The following FMN2 variants were observed in gnomAD, a reference collection of about 807,000 sequenced individuals.
FMN2 encodes the protein formin 2, also known as formin-2.
A neutral mutation model predicts 142.3 loss-of-function variants in FMN2; 51 were observed. The ratio of observed to expected loss-of-function variants is 0.36; its 90% CI spans 0.29 to 0.45. The LOEUF is 0.45. FMN2 is among the 20% of genes least tolerant of loss of function. FMN2 has a pLI of 1.00. For synonymous variants in FMN2, 882 were observed against 869.8 expected, an observed-to-expected ratio of 1.01 and a Z score of -0.25; for missense variants, 1,936 against 2,122.8, an observed-to-expected ratio of 0.91 and a Z score of 1.73.
intron 6 of FMN2, among the ~76,000 whole-genome samples, chr1:240,250,776 T>G (rs1446990640): frequency 6.6e-6 from 1 of 152,180 alleles, no homozygotes; most frequent in Non-Finnish European, 1.5e-5. Context: ...TCATTGTTAG[T>G]CTGTTCAGGT....
intron 14 of FMN2, among the ~76,000 whole-genome samples, chr1:240,369,818 G>C (rs551943056): frequency 7.2e-5 from 11 of 152,202 alleles, no homozygotes; most frequent in African/African-American, 2.6e-4. Context: ...TCATCAGGAG[G>C]CACTACCAAC....
chr1:240,187,087 A>T (rs1471505058), intron 3 of FMN2, among the ~76,000 whole-genome samples: 18 of 148,588 alleles, frequency 1.2e-4, no homozygotes, highest in Admixed American at 9.4e-4. Flanking sequence ...CAACATGGTG[A>T]AACCCCGTCT....
intron 16 of FMN2, among the ~76,000 whole-genome samples, chr1:240,445,604 G>T (rs955345471): frequency 6.6e-6 from 1 of 151,920 alleles, no homozygotes. Flanking sequence ...GCCATGCAAT[G>T]AATTTGATAA....
intron 15 of FMN2, among the ~76,000 whole-genome samples, chr1:240,416,452 TAG>T (rs1674579529): frequency 6.6e-6 from 1 of 152,082 alleles, no homozygotes; most frequent in Non-Finnish European, 1.5e-5. Context: ...ATATTTTTAG[TAG>T]AGACGGGGTT....
At chr1:240,144,791 T>C (rs1215238810) in intron 2 of FMN2, 3 of 1,422,136 alleles carry the variant, frequency 2.1e-6, no homozygotes, top group Admixed American at 3.4e-5. Context: ...GTGGACCATG[T>C]TGTAGGGGAC....
At chr1:240,225,595 A>G (rs954875572) in intron 6 of FMN2, among the ~76,000 whole-genome samples, 6 of 152,234 alleles carry the variant, frequency 3.9e-5, no homozygotes, top group African/African-American at 1.4e-4. Context: ...GGAAAAATCA[A>G]TATCTGGAAT....
chr1:240,302,433 C>T (rs1572172336), intron 8 of FMN2, among the ~76,000 whole-genome samples: 1 of 151,538 alleles, frequency 6.6e-6, no homozygotes, highest in Admixed American at 6.6e-5. Context: ...GATAACAAGG[C>T]AACTCAAAAA....
rs1363626866 is a variant in FMN2, at chr1:240,207,437, G to A, written c.2625G>A (p.Met875Ile). 1.2e-6 allele frequency: 2 copies of A among 1,613,554 alleles called. No homozygotes were observed. Among genetic ancestry groups the A allele is most frequent in the East Asian group, 4.5e-5 (2 of 44,842 alleles). Residue 875 changes from methionine to isoleucine, a missense_variant, in exon 5 of 18, where the codon ATG becomes ATA. Met to Ile is a conservative substitution (Grantham distance 10, BLOSUM62 1). This residue lies in a region of FMN2 where 478 missense variants were observed against 462.8 expected (regional missense o/e 1.03). Coordinates refer to ENST00000319653, the MANE Select transcript of FMN2 (RefSeq NM_020066.5). ...CCAGCTCCATGCCTGGCCTGGGCAT[G>A]GTGCCTCCCCCACCTCCCCCTCTCC... is the stretch of plus-strand genomic sequence containing the variant. ...ESSSSMPGLG[M>I]VPPPPPPLPG... is the part of the protein sequence containing the mutation.
intron 7 of FMN2, among the ~76,000 whole-genome samples, chr1:240,267,780 A>G (rs548182975): frequency 1.6e-3 from 245 of 152,204 alleles, no homozygotes; most frequent in Non-Finnish European, 3.0e-3. Context: ...AACACTTATA[A>G]TATTAAACAC....
chr1:240,109,321 C>T (rs1166714359), intron 1 of FMN2, among the ~76,000 whole-genome samples: 1 of 152,150 alleles, frequency 6.6e-6, no homozygotes, highest in East Asian at 1.9e-4. Context: ...GATGAACATA[C>T]TGAAGTGGAT....
intron 7 of FMN2, among the ~76,000 whole-genome samples, chr1:240,283,940 A>G (rs1669498885): frequency 1.3e-5 from 2 of 152,154 alleles, no homozygotes; most frequent in Admixed American, 1.3e-4. Flanking sequence ...CTAAAAATTT[A>G]TGATCCATCG....
intron 2 of FMN2, among the ~76,000 whole-genome samples, chr1:240,160,542 A>C (rs936438078): frequency 1.3e-5 from 2 of 150,798 alleles, no homozygotes; most frequent in Non-Finnish European, 3.0e-5. Flanking sequence ...GATTATCAGA[A>C]AAGTGTTTGA....
At chr1:240,161,375 A>G (rs193207606) in intron 2 of FMN2, among the ~76,000 whole-genome samples, 92 of 152,186 alleles carry the variant, frequency 6.0e-4, no homozygotes, top group African/African-American at 2.2e-3. Flanking sequence ...TACTAAAAAT[A>G]GAAAACAATT....
chr1:240,334,277 G>A (rs1294970483), intron 13 of FMN2, 48 bp downstream of exon 13: 2 of 1,515,658 alleles, frequency 1.3e-6, no homozygotes, highest in Admixed American at 2.4e-5. Flanking sequence ...CTTTTTTAAT[G>A]AGAGAAGGCA....
intron 16 of FMN2, among the ~76,000 whole-genome samples, chr1:240,454,565 G>T (rs1374485213): frequency 6.6e-6 from 1 of 152,042 alleles, no homozygotes; most frequent in Non-Finnish European, 1.5e-5. Flanking sequence ...AAATATATAT[G>T]GCTTCCAATC....
rs565452519 is a variant in FMN2 at position 240,272,719 on chromosome 1, C to T, written c.4153+14687C>T. ...AGTCCTTCCTCTCAGCTCAGTGTGCCGAGACATCAGCTAAAACATCAAAGT... is the reference window on the plus strand; with the variant it reads ...AGTCCTTCCTCTCAGCTCAGTGTGCTGAGACATCAGCTAAAACATCAAAGT... On this transcript the variant is annotated intron_variant, in intron 7 of 17. Coordinates refer to ENST00000319653, the MANE Select transcript of FMN2 (RefSeq NM_020066.5). Among the ~76,000 whole-genome samples the T allele has an allele frequency of 6.6e-5, 10 of 152,150 alleles. No homozygotes were observed. The South Asian group carries it at 1.2e-3, about 19-fold the overall frequency.
At chr1:240,450,229 G>C (rs1675964070) in intron 16 of FMN2, among the ~76,000 whole-genome samples, 1 of 151,884 alleles carries the variant, frequency 6.6e-6, no homozygotes, top group African/African-American at 2.4e-5. Flanking sequence ...AAACATTTTT[G>C]TTTTACAATT....
At chr1:240,120,212 C>CG (rs1230456028) in intron 1 of FMN2, among the ~76,000 whole-genome samples, 1 of 152,156 alleles carries the variant, frequency 6.6e-6, no homozygotes, top group Non-Finnish European at 1.5e-5. Context: ...GACTAGTATC[C>CG]TGGTAGAATG....
intron 5 of FMN2, among the ~76,000 whole-genome samples, chr1:240,209,251 T>C (rs1459919574): frequency 6.8e-6 from 1 of 147,106 alleles, no homozygotes. Context: ...TTAAATCCTT[T>C]TTTTTTTTTT....
Sources: allele counts gnomAD v4.1 joint callset (sites outside exome capture counted in the v4.1 genomes callset), GRCh38; gene constraint gnomAD v4.1.1; regional missense constraint gnomAD v4.1.1; transcripts MANE v1.5; gene names NCBI Gene and HGNC (gene_info 2026-07-23, HGNC 2026-07-21).